Variants in ARAP2 observed in about 807,000 individuals in gnomAD.
ARAP2 encodes arf-GAP with Rho-GAP domain, ANK repeat and PH domain-containing protein 2.
Under a neutral mutation model 194.5 loss-of-function variants are expected in ARAP2, and 148 were observed. The observed-to-expected ratio is 0.76, with a 90% CI of 0.67 to 0.87. The LOEUF (loss-of-function observed/expected upper bound fraction) is 0.87, where lower values mean the gene tolerates loss of function less well. Among genes scored for constraint, ARAP2 ranks in the 40% least tolerant of loss-of-function variants. ARAP2 has a pLI of 0.00. For missense variants in ARAP2, 2,128 were observed against 1,989.7 expected (o/e 1.07, Z -1.32); for synonymous variants, 695 against 683.5 (o/e 1.02, Z -0.26).
chr4:36,018,457 A>C (rs903926589), intron 6 of ARAP2, among the ~76,000 whole-genome samples: 3 of 152,114 alleles, frequency 2.0e-5, no homozygotes, highest in Non-Finnish European at 4.4e-5. Context: ...CAAAAAAAAA[A>C]AAAAAAACTC....
intron 21 of ARAP2, among the ~76,000 whole-genome samples, chr4:36,126,714 TC>T (rs1723994607): frequency 6.6e-6 from 1 of 152,056 alleles, no homozygotes; most frequent in Non-Finnish European, 1.5e-5. Flanking sequence ...CTCCAAGAAC[TC>T]ACATGCAAGT....
At chr4:36,215,702 G>T (rs1469920690) in intron 2 of ARAP2, among the ~76,000 whole-genome samples, 1 of 152,096 alleles carries the variant, frequency 6.6e-6, no homozygotes, top group Non-Finnish European at 1.5e-5. Flanking sequence ...TTTAAAATGG[G>T]TTAACCTGCC....
intron 19 of ARAP2, 87 bp downstream of exon 19, chr4:36,147,209 G>GT: frequency 8.5e-7 from 1 of 1,176,748 alleles, no homozygotes; most frequent in Admixed American, 2.1e-5. Flanking sequence ...TTAAAATATT[G>GT]TTTTCTCCCT....
At chr4:36,010,300 T>C (rs1358357404) in intron 9 of ARAP2, among the ~76,000 whole-genome samples, 2 of 152,024 alleles carry the variant, frequency 1.3e-5, no homozygotes, top group East Asian at 3.9e-4. Context: ...ATATATATAC[T>C]ATTTGAAATC....
intron 9 of ARAP2, among the ~76,000 whole-genome samples, chr4:36,010,052 C>G (rs1280135759): frequency 6.6e-6 from 1 of 151,798 alleles, no homozygotes; most frequent in Non-Finnish European, 1.5e-5. Flanking sequence ...TTCTTTTCAT[C>G]CTTTGATTCA....
chr4:36,182,729 T>C lies in ARAP2; in HGVS notation c.1678+4722A>G, dbSNP rs75134795. On this transcript the variant is annotated intron_variant, in intron 8 of 32. Coordinates refer to ENST00000303965, the MANE Select transcript of ARAP2 (RefSeq NM_015230.4). The stretch of plus-strand genomic sequence containing the variant: ...TTCTAAGTCAAACTGATGGACTAGA[T>C]ATGAAGTGAGAAGAAAAAGATTCAA... 2.0e-3 allele frequency among the ~76,000 whole-genome samples: 299 copies of C among 152,202 alleles called. 1 individual carries two copies. Among genetic ancestry groups the C allele is most frequent in the African/African-American group, 6.8e-3 (283 of 41,524 alleles).
chr4:36,173,742 A>G (rs1032285991), intron 9 of ARAP2, among the ~76,000 whole-genome samples: 1 of 152,204 alleles, frequency 6.6e-6, no homozygotes, highest in Non-Finnish European at 1.5e-5. Flanking sequence ...TCATTAATTC[A>G]ACAAGTTCAC....
chr4:36,009,101 T>C (rs924297974), intron 9 of ARAP2, among the ~76,000 whole-genome samples: 2 of 152,130 alleles, frequency 1.3e-5, no homozygotes, highest in African/African-American at 2.4e-5. Context: ...CTGCTGAGAA[T>C]GTAAACTAGT....
chr4:36,010,810 T>G (rs1257969190), intron 9 of ARAP2, among the ~76,000 whole-genome samples: 1 of 152,158 alleles, frequency 6.6e-6, no homozygotes, highest in Non-Finnish European at 1.5e-5. Flanking sequence ...TAAGATAGCA[T>G]TTCCTGGCCG....
chr4:36,166,600 C>A (rs1735341544), intron 10 of ARAP2, among the ~76,000 whole-genome samples: 3 of 150,980 alleles, frequency 2.0e-5, no homozygotes, highest in Non-Finnish European at 4.4e-5. Context: ...AACTTAAAGA[C>A]AATGTAATAT....
chr4:36,207,350 C>A (rs546710582), intron 6 of ARAP2, among the ~76,000 whole-genome samples: 8 of 152,224 alleles, frequency 5.3e-5, no homozygotes, highest in Non-Finnish European at 8.8e-5. Flanking sequence ...GTTTGAAATA[C>A]AGCCCCCCAA....
At chr4:36,103,618 C>T (rs533662700) in intron 27 of ARAP2, among the ~76,000 whole-genome samples, 27 of 151,724 alleles carry the variant, frequency 1.8e-4, no homozygotes, top group African/African-American at 6.3e-4. Flanking sequence ...AATTAGTTAG[C>T]TCTTTTTTAC....
At chr4:36,024,771 G>A (rs896359596) in intron 5 of ARAP2, among the ~76,000 whole-genome samples, 1 of 151,956 alleles carries the variant, frequency 6.6e-6, no homozygotes, top group Non-Finnish European at 1.5e-5. Context: ...TCAATATGTA[G>A]GCTAATTTAT....
chr4:36,222,582 G>A (rs1331469414), intron 2 of ARAP2, among the ~76,000 whole-genome samples: 1 of 152,016 alleles, frequency 6.6e-6, no homozygotes, highest in Non-Finnish European at 1.5e-5. Flanking sequence ...CGCATCTGTA[G>A]TAAAAGTACA....
At chr4:36,107,537 A>T in intron 27 of ARAP2, 28 bp downstream of exon 27, 4 of 1,581,772 alleles carry the variant, frequency 2.5e-6, no homozygotes, top group Non-Finnish European at 2.6e-6. Flanking sequence ...TTTCAATCAT[A>T]GCTGCAATGT....
At position 36,120,015 on chromosome 4, in the gene ARAP2, G is replaced by A. The variant is rs138061343; in HGVS notation, c.3895-297C>T. Reference sequence around the variant, plus strand: ...CTGATGACTGGCTTAAGTTTATGTAGGTTGAGAAACAAAGCTCATGTATCA... The same window carrying A: ...CTGATGACTGGCTTAAGTTTATGTAAGTTGAGAAACAAAGCTCATGTATCA... On this transcript the variant is annotated intron_variant, in intron 23 of 32. Coordinates refer to ENST00000303965, the MANE Select transcript of ARAP2 (RefSeq NM_015230.4). Among the ~76,000 whole-genome samples the A allele has an allele frequency of 4.4e-4, 66 of 151,542 alleles. 1 individual carries two copies. The highest frequency in any genetic ancestry group is 1.2e-3 in the African/African-American group (49 of 41,476).
At chr4:36,190,047 T>C (rs2109903412) in intron 7 of ARAP2, among the ~76,000 whole-genome samples, 1 of 152,286 alleles carries the variant, frequency 6.6e-6, no homozygotes, top group African/African-American at 2.4e-5. Flanking sequence ...GTCACATTGG[T>C]TTTCTTGAGG....
chr4:36,239,769 TTA>T (rs1250593602), intron 1 of ARAP2, among the ~76,000 whole-genome samples: 1 of 152,234 alleles, frequency 6.6e-6, no homozygotes, highest in Non-Finnish European at 1.5e-5. Flanking sequence ...ATAGTATGTG[TTA>T]TTTTTACCCA....
chr4:36,218,088 G>A (rs897395206), intron 2 of ARAP2, among the ~76,000 whole-genome samples: 1 of 152,050 alleles, frequency 6.6e-6, no homozygotes, highest in Non-Finnish European at 1.5e-5. Context: ...TATAGCTGTA[G>A]TAATTAAAAC....
Sources: gnomAD v4.1 joint callset for allele counts (sites outside exome capture counted in the v4.1 genomes callset) on GRCh38, gnomAD v4.1.1 for gene constraint, MANE v1.5 for transcripts, NCBI Gene and HGNC (gene_info 2026-07-23, HGNC 2026-07-21) for gene names.